The following MYCBP2 variants were observed in gnomAD, a reference collection of about 807,000 sequenced individuals.
The protein encoded by MYCBP2 is MYC binding protein 2.
MYCBP2 carries 120 observed loss-of-function variants against 525.3 expected under a neutral mutation model. The observed-to-expected ratio is 0.23, with a 90% CI of 0.20 to 0.27. The LOEUF (loss-of-function observed/expected upper bound fraction) is 0.27. MYCBP2 is among the 10% of genes least tolerant of loss of function. The pLI is 1.00. For missense variants in MYCBP2, 4,149 were observed against 5,657.1 expected (o/e 0.73, Z 8.55); for synonymous variants, 1,894 against 1,955.8 (o/e 0.97, Z 0.83).
intron 28 of MYCBP2, 136 bp downstream of exon 28, chr13:77,191,543 T>C: frequency 9.7e-7 from 1 of 1,028,800 alleles, no homozygotes; most frequent in Non-Finnish European, 1.4e-6. Flanking sequence ...GTTACATGAA[T>C]TTAATTTTTA....
At chr13:77,302,288 G>GA (rs767498303) in intron 1 of MYCBP2, among the ~76,000 whole-genome samples, 1 of 144,296 alleles carries the variant, frequency 6.9e-6, no homozygotes, top group Non-Finnish European at 1.5e-5. Context: ...AGCATAAAGA[G>GA]AAAATCTTTA....
chr13:77,129,956 T>C (rs191308090), intron 52 of MYCBP2, among the ~76,000 whole-genome samples: 31 of 151,982 alleles, frequency 2.0e-4, no homozygotes, highest in Admixed American at 1.2e-3. Context: ...GCATTTAGGA[T>C]CTCTAAGTTT....
chr13:77,164,017 T>C (rs1332768674), intron 43 of MYCBP2, among the ~76,000 whole-genome samples: 1 of 152,212 alleles, frequency 6.6e-6, no homozygotes, highest in Non-Finnish European at 1.5e-5. Flanking sequence ...TGCTGTAGAA[T>C]ATCTTTCATA....
chr13:77,062,651 A>C lies in MYCBP2; in HGVS notation c.12719T>G (p.Val4240Gly), dbSNP rs779095487. ...CCATCTCCCCGAGGAGAGACGATCT[A>C]CGTGGTCCTGATCAAGAACACATAG... is the stretch of plus-strand genomic sequence containing the variant. ...ASLCVLDQDH[V>G]DRLSSGRWMG... The change falls in exon 74 of 83, where the codon GTA becomes GGA. Residue 4240 changes from valine to glycine, a missense_variant. Val to Gly is a moderately radical substitution (Grantham distance 109). Transcript: ENST00000544440. The C allele has an allele frequency of 2.5e-6, 4 of 1,614,084 alleles. No individual in the cohort carries two copies. In the African/African-American group the frequency reaches 5.3e-5, roughly 22 times the overall value.
intron 23 of MYCBP2, among the ~76,000 whole-genome samples, chr13:77,207,187 G>A (rs941623593): frequency 6.6e-6 from 1 of 152,142 alleles, no homozygotes; most frequent in Non-Finnish European, 1.5e-5. Flanking sequence ...GTGTACCTGT[G>A]AGACACAGCT....
At chr13:77,107,108 T>C (rs1039565062) in intron 55 of MYCBP2, among the ~76,000 whole-genome samples, 2 of 152,180 alleles carry the variant, frequency 1.3e-5, no homozygotes, top group African/African-American at 4.8e-5. Flanking sequence ...GGTAGAATGA[T>C]GGGAACAGTG....
chr13:77,050,460 A>G (rs2036554996), intron 82 of MYCBP2, among the ~76,000 whole-genome samples: 1 of 152,120 alleles, frequency 6.6e-6, no homozygotes, highest in African/African-American at 2.4e-5. Context: ...GTCCTCTTCC[A>G]GTATTTTCAG....
At chr13:77,052,941 C>T (rs1168218428) in intron 80 of MYCBP2, among the ~76,000 whole-genome samples, 1 of 152,038 alleles carries the variant, frequency 6.6e-6, no homozygotes, top group Non-Finnish European at 1.5e-5. Context: ...CCAGCCTGGG[C>T]AACATGGCAA....
Position 77,260,588 on chromosome 13 carries a change from C to G in MYCBP2, c.1857G>C (p.Lys619Asn), listed in dbSNP as rs745485771. 6.3e-7 allele frequency: 1 copy of G among 1,589,116 alleles called. No homozygotes were observed. Among genetic ancestry groups the G allele is most frequent in the Non-Finnish European group, 8.5e-7 (1 of 1,172,712 alleles). ...TATAAGGTTTGGATTGCCGTCTGCT[C>G]TTAGCTTTAAAAAAGAAATTAGATT... Reference protein sequence around the residue: ...ASKGEDGESTKSRRQSKPYKP... With the variant: ...ASKGEDGESTNSRRQSKPYKP... The change falls in exon 13 of 83, where the codon AAG becomes AAC. Residue 619 changes from lysine (K) to asparagine (N), a missense_variant. By Grantham distance (94) the Lys-to-Asn change is moderately conservative. This residue lies in a region of MYCBP2 where 262 missense variants were observed against 419.3 expected (regional missense o/e 0.62). Coordinates refer to ENST00000544440, the MANE Select transcript of MYCBP2 (RefSeq NM_015057.5).
At chr13:77,061,587 A>T in intron 75 of MYCBP2, 75 bp downstream of exon 75, 1 of 1,532,946 alleles carries the variant, frequency 6.5e-7, no homozygotes, top group Admixed American at 2.0e-5. Flanking sequence ...TCCCCCTACT[A>T]CACAAAGCCT....
In MYCBP2 at chr13:77,322,192, A is replaced by G. The variant is rs570367612; in HGVS notation, c.302+4282T>C. On this transcript the variant is annotated intron_variant, in intron 1 of 82. Transcript: ENST00000544440. ...GAACTTTTGCTAAAATGACTACTTA[A>G]CCTCTTACAACCAAAATCCCATGCA... 6.4e-4 allele frequency among the ~76,000 whole-genome samples: 97 copies of G among 152,290 alleles called. No individual in the cohort carries two copies. In the South Asian group the frequency reaches 8.9e-3, roughly 14 times the overall value.
intron 52 of MYCBP2, among the ~76,000 whole-genome samples, chr13:77,135,410 T>C (rs2053591373): frequency 6.6e-6 from 1 of 152,196 alleles, no homozygotes. Context: ...TGTTATTTCC[T>C]TGAGAAGATG....
chr13:77,099,740 A>G (rs769493840), intron 55 of MYCBP2: 1 of 152,200 alleles, frequency 6.6e-6, no homozygotes, highest in Non-Finnish European at 1.5e-5. Flanking sequence ...ATGAGTGGTA[A>G]AAGTCTGAAC....
chr13:77,314,659 A>G (rs1266406806), intron 1 of MYCBP2, among the ~76,000 whole-genome samples: 1 of 152,212 alleles, frequency 6.6e-6, no homozygotes, highest in African/African-American at 2.4e-5. Context: ...CAGTGAAAAT[A>G]TTCTGTATGA....
At chr13:77,190,096 C>G (rs1409976623) in intron 29 of MYCBP2, among the ~76,000 whole-genome samples, 156 bp downstream of exon 29, 1 of 152,060 alleles carries the variant, frequency 6.6e-6, no homozygotes, top group African/African-American at 2.4e-5. Flanking sequence ...AAAATATTAA[C>G]TGTTTTTGTT....
intron 67 of MYCBP2, 55 bp downstream of exon 67, chr13:77,077,093 T>C: frequency 2.5e-6 from 4 of 1,569,466 alleles, no homozygotes; most frequent in Non-Finnish European, 2.6e-6. Context: ...TGTTACACTC[T>C]TAAAATATAT....
At chr13:77,138,215 A>C (rs541459273) in intron 52 of MYCBP2, among the ~76,000 whole-genome samples, 97 of 152,218 alleles carry the variant, frequency 6.4e-4, no homozygotes, top group Non-Finnish European at 1.1e-3. Context: ...GTCTATATAC[A>C]GTCTCCACTG....
At chr13:77,111,769 T>A (rs2048866877) in intron 55 of MYCBP2, among the ~76,000 whole-genome samples, 1 of 152,154 alleles carries the variant, frequency 6.6e-6, no homozygotes, top group South Asian at 2.1e-4. Context: ...ACCTTTTTCA[T>A]AATATTTTCA....
At chr13:77,292,666 G>C (rs1042370375) in intron 2 of MYCBP2, among the ~76,000 whole-genome samples, 2 of 152,098 alleles carry the variant, frequency 1.3e-5, no homozygotes, top group African/African-American at 4.8e-5. Context: ...TCAGCAGAGG[G>C]TAAGAAAACC....
Sources: gnomAD v4.1 joint callset for allele counts (sites outside exome capture counted in the v4.1 genomes callset) on GRCh38, gnomAD v4.1.1 for gene constraint, gnomAD v4.1.1 regional missense constraint, MANE v1.5 for transcripts, NCBI Gene and HGNC (gene_info 2026-07-23, HGNC 2026-07-21) for gene names.